The following HMCN2 variants were observed in gnomAD, a reference collection of about 807,000 sequenced individuals.
HMCN2 encodes the protein hemicentin-2.
Under a neutral mutation model 377.5 loss-of-function variants are expected in HMCN2, and 325 were observed. The observed-to-expected ratio is 0.86, with a 90% CI of 0.79 to 0.94. The LOEUF (loss-of-function observed/expected upper bound fraction) is 0.94. Ranked by LOEUF, HMCN2 falls within the 40% of genes least tolerant of loss-of-function variation. The pLI is 0.00. For missense variants in HMCN2, 4,543 were observed against 4,725.3 expected, an observed-to-expected ratio of 0.96 and a Z score of 1.13; for synonymous variants, 2,007 against 2,046.8, an observed-to-expected ratio of 0.98 and a Z score of 0.53.
chr9:130,368,485 C>G, intron 44 of HMCN2, 48 bp downstream of exon 44: 1 of 965,214 alleles, frequency 1.0e-6, no homozygotes, highest in Non-Finnish European at 1.2e-6. Flanking sequence ...CATGGACTGG[C>G]TGGGCAGGCG....
chr9:130,309,709 C>G (rs1837115994), intron 14 of HMCN2, among the ~76,000 whole-genome samples: 1 of 152,024 alleles, frequency 6.6e-6, no homozygotes, highest in South Asian at 2.1e-4. Flanking sequence ...AGCCCCAACC[C>G]TGTTCAACAG....
At chr9:130,395,143 G>T in intron 70 of HMCN2, 35 bp downstream of exon 70, 3 of 1,046,338 alleles carry the variant, frequency 2.9e-6, no homozygotes, top group Non-Finnish European at 3.8e-6. Context: ...GCAGGGCCGG[G>T]AGGCAGGACG....
At chr9:130,415,237 C>A (rs1202949112) in intron 85 of HMCN2, among the ~76,000 whole-genome samples, 1 of 152,172 alleles carries the variant, frequency 6.6e-6, no homozygotes, top group Non-Finnish European at 1.5e-5. Flanking sequence ...TACTGAAACT[C>A]ACTTATCATA....
rs1168074662 is a variant in HMCN2, at chr9:130,304,443, T to C, written c.1544-287T>C. ...TTCAGCTCGGAGGCATGAAGATGGG[T>C]GTCCGGCTTGTTGCACATTGCACTG... On this transcript the variant is annotated intron_variant, in intron 10 of 97. Coordinates refer to ENST00000683500, the MANE Select transcript of HMCN2 (RefSeq NM_001291815.2). The surrounding 1 kb of genome is among the most constrained non-coding windows in gnomAD (Gnocchi z 4.3). 6.6e-6 allele frequency among the ~76,000 whole-genome samples: 1 copy of C among 152,172 alleles called. No homozygotes were observed. The highest frequency in any genetic ancestry group is 1.5e-5 in the Non-Finnish European group (1 of 68,024).
rs1011555603 is a variant in HMCN2 at position 130,379,347 on chromosome 9, A to G, written c.8311A>G (p.Ile2771Val). ...ARGGVTEYRE[I>V]VENNPAYLYC... is the part of the protein sequence containing the mutation. ...GGGCGGAGTCACGGAATACAGGGAGATCGTGGAGAACAACCCAGCCTACCT... is the reference window on the plus strand; with the variant it reads ...GGGCGGAGTCACGGAATACAGGGAGGTCGTGGAGAACAACCCAGCCTACCT... The change falls in exon 54 of 98, where the codon ATC becomes GTC. Residue 2771 changes from isoleucine to valine, a missense_variant. Physicochemically the swap from Ile to Val is conservative, Grantham distance 29. This residue lies in a region of HMCN2 where 736 missense variants were observed against 773.2 expected (regional missense o/e 0.95). Coordinates refer to ENST00000683500, the MANE Select transcript of HMCN2 (RefSeq NM_001291815.2). The G allele has an allele frequency of 1.0e-6, 1 of 985,340 alleles. No individual in the cohort carries two copies. Among genetic ancestry groups the G allele is most frequent in the African/African-American group, 1.8e-5 (1 of 57,090 alleles). 61.0% of individuals were successfully genotyped at this position (985,340 alleles called of 1,614,324 possible). A position where few individuals can be genotyped will look rare whatever the true frequency, so the allele number is the denominator to read the frequency against.
intron 62 of HMCN2, among the ~76,000 whole-genome samples, chr9:130,390,491 TG>T (rs1323019292): frequency 6.6e-6 from 1 of 152,164 alleles, no homozygotes; most frequent in African/African-American, 2.4e-5. Flanking sequence ...CGTCCTGGGC[TG>T]GGGCCGTGAG....
rs759031219 is a variant in HMCN2, at chr9:130,384,503, C to G, written c.8961C>G (p.Leu2987=). The change falls in exon 58 of 98, where the codon CTC becomes CTG. Residue 2987 remains leucine (L), a synonymous_variant. Coordinates refer to ENST00000683500, the MANE Select transcript of HMCN2 (RefSeq NM_001291815.2). ...CGTGGTACAAGGACAGCCAGGCCCTCTCCCTGGGTGAAGAGGTCTTCCTCC... is the reference window on the plus strand; with the variant it reads ...CGTGGTACAAGGACAGCCAGGCCCTGTCCCTGGGTGAAGAGGTCTTCCTCC... The part of the protein sequence containing the change: ...EVTWYKDSQA[L]SLGEEVFLLP... The G allele has an allele frequency of 7.7e-7, 1 of 1,304,298 alleles. No homozygotes were observed. Among genetic ancestry groups the G allele is most frequent in the South Asian group, 1.2e-5 (1 of 81,034 alleles). 80.8% of individuals were successfully genotyped at this position (1,304,298 alleles called of 1,614,324 possible).
intron 77 of HMCN2, among the ~76,000 whole-genome samples, chr9:130,402,319 G>T (rs527570964): frequency 6.6e-6 from 1 of 152,346 alleles, no homozygotes; most frequent in South Asian, 2.1e-4. Flanking sequence ...GTCTGGGAAG[G>T]TTAAAATGGT....
intron 8 of HMCN2, among the ~76,000 whole-genome samples, chr9:130,301,064 G>GA (rs1554934218): frequency 6.6e-6 from 1 of 152,242 alleles, no homozygotes; most frequent in Non-Finnish European, 1.5e-5. Flanking sequence ...ATGCAGGGAG[G>GA]GGAAGAAGGG....
In HMCN2 at chr9:130,432,457, C is replaced by A. The variant is rs572099378; in HGVS notation, c.14796C>A (p.Ile4932=). The stretch of plus-strand genomic sequence containing the variant: ...TCAACGAGTGCGAGGAGGAGAGCAT[C>A]GAGTGTGGACCCGGCCAGATGTGCT... ...QDINECEEES[I]ECGPGQMCFN... Residue 4932 remains isoleucine, a synonymous_variant, in exon 97 of 98, where the codon ATC becomes ATA. Coordinates refer to ENST00000683500, the MANE Select transcript of HMCN2 (RefSeq NM_001291815.2). 251 of 1,551,042 alleles carry A rather than the reference C, an allele frequency of 1.6e-4. 2 individuals are homozygous for A. The East Asian group carries it at 5.5e-3, about 34-fold the overall frequency.
At chr9:130,431,300 G>T in intron 95 of HMCN2, 67 bp from the exon 96 acceptor site, 2 of 1,467,888 alleles carry the variant, frequency 1.4e-6, no homozygotes, top group Non-Finnish European at 9.2e-7. Context: ...GGCCACGTTG[G>T]TGTCTGTGGC....
rs567895747 is a variant in HMCN2 at position 130,390,987 on chromosome 9, G to A, written c.9534G>A (p.Ala3178=). The A allele has an allele frequency of 2.3e-5, 23 of 987,136 alleles. No homozygotes were observed. Among genetic ancestry groups the A allele is most frequent in the African/African-American group, 1.9e-4 (11 of 57,398 alleles). The allele number at this position is 987,136 out of a possible 1,614,324, so 61.1% of individuals were successfully genotyped here. The change falls in exon 63 of 98, where the codon GCG becomes GCA. Residue 3178 remains alanine, a synonymous_variant. Coordinates refer to ENST00000683500, the MANE Select transcript of HMCN2 (RefSeq NM_001291815.2). ...LKDRMPVESS[A]VHGVVSRGGR... ...CCCTCTGTCCCACAGAGAGCAGCGCGGTGCACGGTGTGGTCTCCCGGGGGG... is the reference window on the plus strand; with the variant it reads ...CCCTCTGTCCCACAGAGAGCAGCGCAGTGCACGGTGTGGTCTCCCGGGGGG...
chr9:130,346,523 A>T (rs993076176), intron 25 of HMCN2, among the ~76,000 whole-genome samples: 57 of 151,926 alleles, frequency 3.8e-4, no homozygotes, highest in African/African-American at 1.4e-3. Flanking sequence ...TGTGGCTGGC[A>T]AAGTGACTGA....
chr9:130,331,768 A>T (rs1056616948), intron 22 of HMCN2, among the ~76,000 whole-genome samples: 9 of 152,178 alleles, frequency 5.9e-5, no homozygotes, highest in African/African-American at 1.9e-4. Flanking sequence ...TGGGATTCCG[A>T]TGAGGAGATG....
chr9:130,309,909 CA>C lies in HMCN2; in HGVS notation c.2201-2del, dbSNP rs1554938326. 1 of 493,844 alleles carries C rather than the reference CA, an allele frequency of 2.0e-6. No homozygotes were observed. Among genetic ancestry groups the C allele is most frequent in the Non-Finnish European group, 4.2e-6 (1 of 239,786 alleles). The allele number at this position is 493,844 out of a possible 1,614,324, so 30.6% of individuals were successfully genotyped here. The stretch of plus-strand genomic sequence containing the variant: ...GCCTGATGCTTCTTCCTCTTTGGTC[CA>C]GGGGGTCTTGAAATGATCCTGGCCC... On this transcript the variant is annotated splice_acceptor_variant, in intron 14 of 97. Coordinates refer to ENST00000683500, the MANE Select transcript of HMCN2 (RefSeq NM_001291815.2). LOFTEE classifies it high-confidence loss of function.
chr9:130,270,295 GTTTT>G (rs34000960), intron 1 of HMCN2, among the ~76,000 whole-genome samples: 3 of 47,562 alleles, frequency 6.3e-5, no homozygotes, highest in African/African-American at 1.9e-4. Context: ...TTGTTTGTTT[GTTTT>G]TTTTTTTCCC....
chr9:130,334,841 C>G (rs2131452339), intron 22 of HMCN2, among the ~76,000 whole-genome samples: 1 of 144,766 alleles, frequency 6.9e-6, no homozygotes, highest in East Asian at 2.3e-4. Flanking sequence ...CTCCCTCCCT[C>G]CCTCCCTCAC....
chr9:130,389,246 C>T (rs1747006323), intron 62 of HMCN2, among the ~76,000 whole-genome samples: 2 of 152,220 alleles, frequency 1.3e-5, no homozygotes, highest in Admixed American at 1.3e-4. Context: ...ATATAATTCA[C>T]ACACTATATA....
intron 85 of HMCN2, among the ~76,000 whole-genome samples, chr9:130,412,040 C>G (rs1843450668): frequency 1.3e-5 from 2 of 152,320 alleles, no homozygotes; most frequent in South Asian, 4.1e-4. Context: ...GGTGCCATCT[C>G]TGCTCACTGC....
Sources: allele counts gnomAD v4.1 joint callset (sites outside exome capture counted in the v4.1 genomes callset), GRCh38; gene constraint gnomAD v4.1.1; regional missense constraint gnomAD v4.1.1; non-coding constraint Gnocchi (gnomAD v3.1); transcripts MANE v1.5; gene names NCBI Gene and HGNC (gene_info 2026-07-23, HGNC 2026-07-21).